The following ARHGAP6 variants were observed in gnomAD, a reference collection of about 807,000 sequenced individuals.
ARHGAP6 encodes Rho GTPase activating protein 6.
A neutral mutation model predicts 55.7 loss-of-function variants in ARHGAP6; 16 were observed. The observed-to-expected ratio is 0.29, with a 90% confidence interval of 0.19 to 0.44. The LOEUF (loss-of-function observed/expected upper bound fraction) is 0.44. Among genes scored for constraint, ARHGAP6 ranks in the 20% least tolerant of loss-of-function variants. The pLI is 1.00. For missense variants in ARHGAP6, 698 were observed against 808.9 expected (o/e 0.86, Z 1.66); for synonymous variants, 382 against 360.9 (o/e 1.06, Z -0.66).
At chrX:11,603,543 A>T (rs2052001308) in intron 1 of ARHGAP6, among the ~76,000 whole-genome samples, 1 of 111,662 alleles carries the variant, frequency 9.0e-6, no homozygotes, top group Admixed American at 9.5e-5. Flanking sequence ...CTTGAAATAC[A>T]TCAGATTTGA....
rs1458429650 is a variant in ARHGAP6, at chrX:11,325,963, A to G, written c.589-71256T>C. Among the ~76,000 whole-genome samples the G allele has an allele frequency of 2.7e-5, 3 of 111,805 alleles. No individual in the cohort carries two copies. The East Asian group carries it at 8.4e-4, about 31-fold the overall frequency. Reference sequence around the variant, plus strand: ...AAAGAATGATCTGCCCCCAAATGTCAATAGAGCTGAGGTTTAGAAACCCTG... The same window carrying G: ...AAAGAATGATCTGCCCCCAAATGTCGATAGAGCTGAGGTTTAGAAACCCTG... On this transcript the variant is annotated intron_variant, in intron 1 of 12. Transcript: ENST00000337414.
chrX:11,448,682 G>A (rs908943863), intron 1 of ARHGAP6, among the ~76,000 whole-genome samples: 2 of 111,086 alleles, frequency 1.8e-5, no homozygotes, highest in Admixed American at 1.9e-4. Context: ...CTGGACATTG[G>A]GATTCTGAAA....
intron 1 of ARHGAP6, chrX:11,294,691 A>C (rs2048051644): frequency 2.1e-6 from 2 of 955,670 alleles, no homozygotes; most frequent in South Asian, 3.9e-5. Flanking sequence ...CAATAGACTA[A>C]TGTAGATTAT....
intron 1 of ARHGAP6, among the ~76,000 whole-genome samples, chrX:11,527,294 A>G (rs1219122658): frequency 9.0e-6 from 1 of 111,724 alleles, no homozygotes; most frequent in Non-Finnish European, 1.9e-5. Context: ...CAAGTGAGAT[A>G]TATGTATAAA....
At chrX:11,335,165 G>A (rs931896444) in intron 1 of ARHGAP6, 4 of 141,054 alleles carry the variant, frequency 2.8e-5, no homozygotes, top group South Asian at 2.3e-4. Flanking sequence ...ACCCAAGGCT[G>A]GTTCTGCAGA....
At chrX:11,538,593 TATA>T (rs1185188060) in intron 1 of ARHGAP6, among the ~76,000 whole-genome samples, 4 of 111,708 alleles carry the variant, frequency 3.6e-5, no homozygotes, top group East Asian at 2.8e-4. Flanking sequence ...AATTAACTCC[TATA>T]ATGTGTACAA....
At chrX:11,649,531 T>C (rs1377565345) in intron 1 of ARHGAP6, among the ~76,000 whole-genome samples, 1 of 111,434 alleles carries the variant, frequency 9.0e-6, no homozygotes, top group African/African-American at 3.3e-5. Flanking sequence ...CAGCTTTACT[T>C]CCCCTCCTTC....
At chrX:11,201,671 G>T (rs939251723) in intron 2 of ARHGAP6, among the ~76,000 whole-genome samples, 1 of 112,085 alleles carries the variant, frequency 8.9e-6, no homozygotes, top group Non-Finnish European at 1.9e-5. Context: ...ATGGCAGAAG[G>T]GGAAGCAAAC....
intron 1 of ARHGAP6, among the ~76,000 whole-genome samples, chrX:11,545,800 G>C (rs910072787): frequency 2.7e-5 from 3 of 111,672 alleles, no homozygotes; most frequent in African/African-American, 9.8e-5. Context: ...TATTCACAGA[G>C]TAAGTACTTA....
At chrX:11,580,104 T>C (rs1305151719) in intron 1 of ARHGAP6, among the ~76,000 whole-genome samples, 1 of 111,813 alleles carries the variant, frequency 8.9e-6, no homozygotes, top group Admixed American at 9.5e-5. Flanking sequence ...AAATCATACG[T>C]CCTATAGGGT....
chrX:11,636,302 T>C (rs188852507), intron 1 of ARHGAP6, among the ~76,000 whole-genome samples: 1 of 112,171 alleles, frequency 8.9e-6, no homozygotes, highest in East Asian at 2.8e-4. Flanking sequence ...ACTATCACCA[T>C]CAACAAGAGA....
intron 1 of ARHGAP6, among the ~76,000 whole-genome samples, chrX:11,491,027 T>A (rs953932493): frequency 2.7e-5 from 3 of 112,066 alleles, no homozygotes; most frequent in African/African-American, 6.5e-5. Context: ...ATTATTTGCC[T>A]ATTCTTGCCT....
chrX:11,534,493 A>G (rs1287361871), intron 1 of ARHGAP6, among the ~76,000 whole-genome samples: 1 of 110,061 alleles, frequency 9.1e-6, no homozygotes, highest in Non-Finnish European at 1.9e-5. Context: ...CCTGGCCTCT[A>G]CCCACTAGAG....
intron 1 of ARHGAP6, among the ~76,000 whole-genome samples, chrX:11,507,221 T>C (rs777673328): frequency 1.7e-4 from 19 of 111,152 alleles, no homozygotes; most frequent in Non-Finnish European, 2.5e-4. Context: ...TTTGTGACTC[T>C]GTGACCCTTC....
chrX:11,332,096 A>G (rs1655738815), intron 1 of ARHGAP6, among the ~76,000 whole-genome samples: 1 of 111,857 alleles, frequency 8.9e-6, no homozygotes, highest in African/African-American at 3.3e-5. Context: ...TTAAAGGTTT[A>G]GCTCAAGTGT....
At chrX:11,517,337 G>A (rs1160098517) in intron 1 of ARHGAP6, among the ~76,000 whole-genome samples, 5 of 111,642 alleles carry the variant, frequency 4.5e-5, no homozygotes, top group Non-Finnish European at 5.6e-5. Flanking sequence ...AGGGGGCAGC[G>A]TATTACGTAC....
intron 1 of ARHGAP6, 67 bp from the exon 2 acceptor site, chrX:11,254,774 C>A: frequency 9.7e-7 from 1 of 1,030,311 alleles, no homozygotes; most frequent in Non-Finnish European, 1.3e-6. Flanking sequence ...TCTCACAAAT[C>A]TCATCCTCTC....
chrX:11,165,211 T>C (rs1196513604), intron 9 of ARHGAP6, among the ~76,000 whole-genome samples: 1 of 111,627 alleles, frequency 9.0e-6, no homozygotes, highest in Non-Finnish European at 1.9e-5. Context: ...TGAGCACCCA[T>C]CTTTTGCCAT....
intron 1 of ARHGAP6, among the ~76,000 whole-genome samples, chrX:11,482,649 G>T (rs1007156955): frequency 9.0e-6 from 1 of 111,249 alleles, no homozygotes; most frequent in Non-Finnish European, 1.9e-5. Context: ...GATGTCCTTG[G>T]GGCTCAGCTC....
Sources: gnomAD v4.1 joint callset for allele counts (sites outside exome capture counted in the v4.1 genomes callset) on GRCh38, gnomAD v4.1.1 for gene constraint, MANE v1.5 for transcripts, NCBI Gene and HGNC (gene_info 2026-07-23, HGNC 2026-07-21) for gene names.